Variants in NRL observed in about 807,000 individuals in gnomAD.
NRL encodes neural retina-specific leucine zipper protein.
NRL carries 16 observed loss-of-function variants against 12.5 expected under a neutral mutation model. The observed-to-expected ratio is 1.28, with a 90% CI of 0.87 to 1.95. The LOEUF is 1.95. NRL is among the 30% of genes most tolerant of loss of function. The pLI is 0.00. For synonymous variants in NRL, 142 were observed against 150.9 expected (o/e 0.94, Z 0.43); for missense variants, 314 against 325.8 (o/e 0.96, Z 0.28).
At chr14:24,096,632 C>A (rs545719193) in intron 1 of NRL, among the ~76,000 whole-genome samples, 1 of 152,296 alleles carries the variant, frequency 6.6e-6, no homozygotes, top group African/African-American at 2.4e-5. Context: ...TACTTCCACA[C>A]AGCCAGGCAT....
chr14:24,110,123 T>G (rs561489816), intron 1 of NRL, among the ~76,000 whole-genome samples: 1 of 152,212 alleles, frequency 6.6e-6, no homozygotes, highest in Non-Finnish European at 1.5e-5. Context: ...ATTATACTTT[T>G]TTTTTTTTTC....
intron 1 of NRL, chr14:24,098,922 G>T: frequency 1.3e-6 from 1 of 781,440 alleles, no homozygotes; most frequent in Non-Finnish European, 2.1e-6. Flanking sequence ...GAGGTGGGGG[G>T]CTTCAGCCAC....
At chr14:24,107,670 C>G (rs1374473220) in intron 1 of NRL, among the ~76,000 whole-genome samples, 1 of 152,152 alleles carries the variant, frequency 6.6e-6, no homozygotes, top group South Asian at 2.1e-4. Context: ...GATTCCCCCT[C>G]CATTCCTTTC....
At chr14:24,092,579 C>T (rs1038916825) in intron 1 of NRL, among the ~76,000 whole-genome samples, 6 of 152,128 alleles carry the variant, frequency 3.9e-5, no homozygotes, top group Non-Finnish European at 7.4e-5. Flanking sequence ...TAAGTGTGGA[C>T]AGAGTTTGGA....
At chr14:24,105,502 G>A (rs1359802079) in intron 1 of NRL, among the ~76,000 whole-genome samples, 2 of 152,254 alleles carry the variant, frequency 1.3e-5, no homozygotes, top group East Asian at 3.8e-4. Flanking sequence ...GGCACAGAGA[G>A]GTCAAGTAAT....
In NRL at chr14:24,094,043, A is replaced by G. The variant is rs759306677; in HGVS notation, c.-27-11168T>C. On this transcript the variant is annotated intron_variant, in intron 1 of 2. Transcript: ENST00000561028. The surrounding 1 kb of genome is among the most constrained non-coding windows in gnomAD (Gnocchi z 4.1). ...GAGCAAGAGTCCTCAAAGTTACATCATGTGCGGCTGGGAGGGCGGTGGCGG... is the reference window on the plus strand; with the variant it reads ...GAGCAAGAGTCCTCAAAGTTACATCGTGTGCGGCTGGGAGGGCGGTGGCGG... 9.3e-6 allele frequency: 5 copies of G among 538,058 alleles called. No homozygotes were observed. The highest frequency in any genetic ancestry group is 2.7e-4 in the Middle Eastern group (1 of 3,720). 33.3% of individuals were successfully genotyped at this position (538,058 alleles called of 1,614,324 possible).
chr14:24,102,954 CCT>C, intron 1 of NRL: 2 of 1,495,588 alleles, frequency 1.3e-6, no homozygotes, highest in Non-Finnish European at 9.2e-7. Context: ...GGCCTACCTC[CCT>C]CCCTCTGATC....
Position 24,085,622 on chromosome 14 carries a change from AT to A in NRL, c.-27-2748del, listed in dbSNP as rs1373790720. Among the ~76,000 whole-genome samples, 1 of 152,200 alleles carries A rather than the reference AT, an allele frequency of 6.6e-6. No individual in the cohort carries two copies. Among genetic ancestry groups the A allele is most frequent in the African/African-American group, 2.4e-5 (1 of 41,452 alleles). ...CTTCCTACCTTCTGAGGCCACCCAA[AT>A]ACTCCCATGGGGTTAATAGTTCCTC... is the stretch of plus-strand genomic sequence containing the variant. On this transcript the variant is annotated intron_variant, in intron 1 of 2. Transcript: ENST00000561028. This position sits in a 1 kb window ranked among gnomAD's most constrained non-coding sequence, Gnocchi z 4.1.
intron 1 of NRL, chr14:24,099,345 C>T (rs886618100): frequency 1.5e-5 from 17 of 1,162,252 alleles, no homozygotes; most frequent in East Asian, 7.6e-5. Context: ...GGCTGGTGGG[C>T]GGGGACTCTA....
rs996722399 is a variant in NRL at position 24,080,557 on chromosome 14, TG to T, written c.*678del. 2.0e-5 allele frequency: 3 copies of T among 152,574 alleles called. No homozygotes were observed. Among genetic ancestry groups the T allele is most frequent in the Non-Finnish European group, 4.4e-5 (3 of 68,026 alleles). 9.5% of individuals were successfully genotyped at this position (152,574 alleles called of 1,614,324 possible). ...AAGTAACACAAGTCCAGGAAGCAACTGATTTGCTCAGGGTGACAGGGGGATC... is the reference window on the plus strand; with the variant it reads ...AAGTAACACAAGTCCAGGAAGCAACTATTTGCTCAGGGTGACAGGGGGATC... On this transcript the variant is annotated 3_prime_UTR_variant, in exon 3 of 3. Coordinates refer to ENST00000561028, the MANE Select transcript of NRL (RefSeq NM_001354768.3).
chr14:24,103,936 C>A, intron 1 of NRL: 1 of 1,613,810 alleles, frequency 6.2e-7, no homozygotes, highest in Non-Finnish European at 8.5e-7. Flanking sequence ...GAGCTTGAGG[C>A]CCTGGAGAGA....
At chr14:24,111,330 C>T (rs1444007445) in intron 1 of NRL, among the ~76,000 whole-genome samples, 15 of 151,312 alleles carry the variant, frequency 9.9e-5, no homozygotes, top group Admixed American at 9.9e-4. Flanking sequence ...TTCAGCAGAT[C>T]AACTACCGGA....
chr14:24,111,615 C>A (rs1444774823), intron 1 of NRL, among the ~76,000 whole-genome samples: 1 of 152,142 alleles, frequency 6.6e-6, no homozygotes, highest in African/African-American at 2.4e-5. Flanking sequence ...GATCCACCCG[C>A]CTTGGCCTCC....
At chr14:24,098,052 C>A in intron 1 of NRL, 1 of 670,278 alleles carries the variant, frequency 1.5e-6, no homozygotes, top group Non-Finnish European at 2.5e-6. Context: ...TTAGATGGGA[C>A]AAAGCCTGGA....
rs1219330672 is a variant in NRL, at chr14:24,096,857, C to T, written c.-27-13982G>A. On this transcript the variant is annotated intron_variant, in intron 1 of 2. Transcript: ENST00000561028. ...CACCTGCCTTGTCCACTCTCGATGA[C>T]AGCAACTAGCTCATTGCCTCTGTTT... 1.9e-6 allele frequency: 3 copies of T among 1,592,314 alleles called. No individual in the cohort carries two copies. In the South Asian group the frequency reaches 3.3e-5, roughly 18 times the overall value.
rs1428104947 is a variant in NRL, at chr14:24,081,042, C to T, written c.*194G>A. The T allele has an allele frequency of 7.3e-6, 3 of 412,480 alleles. No individual in the cohort carries two copies. Among genetic ancestry groups the T allele is most frequent in the African/African-American group, 4.1e-5 (2 of 48,264 alleles). The allele number at this position is 412,480 out of a possible 1,614,324, so 25.6% of individuals were successfully genotyped here. ...GTGTTCGTAAGGGGAGGGGACCCCT[C>T]TCCAGAAAATGACCAGCATCTAAAT... On this transcript the variant is annotated 3_prime_UTR_variant, in exon 3 of 3. Transcript: ENST00000561028. The surrounding 1 kb of genome is among the most constrained non-coding windows in gnomAD (Gnocchi z 4.4).
In NRL at chr14:24,114,787, T is replaced by C. The variant is rs1566588976; in HGVS notation, c.-93A>G. The C allele has an allele frequency of 1.0e-6, 1 of 985,946 alleles. No homozygotes were observed. The allele number at this position is 985,946 out of a possible 1,614,324, so 61.1% of individuals were successfully genotyped here. A position where few individuals can be genotyped will look rare whatever the true frequency, so the allele number is the denominator to read the frequency against. On this transcript the variant is annotated 5_prime_UTR_variant, in exon 1 of 3. Transcript: ENST00000561028. The stretch of plus-strand genomic sequence containing the variant: ...GGGGGCGGGGCCGTCGTGTGACGTT[T>C]GCAGCCCGCCGGCCAGGAAGCCGCG...
chr14:24,099,370 G>C, intron 1 of NRL: 1 of 1,048,368 alleles, frequency 9.5e-7, no homozygotes, highest in Non-Finnish European at 1.4e-6. Context: ...AAGGCCCAAA[G>C]CTTTGGCCTC....
At chr14:24,084,517 C>T in intron 1 of NRL, 1 of 985,240 alleles carries the variant, frequency 1.0e-6, no homozygotes, top group Non-Finnish European at 1.2e-6. Context: ...TGGATATACT[C>T]ACTTCAGAAA....
Sources: allele counts gnomAD v4.1 joint callset (sites outside exome capture counted in the v4.1 genomes callset), GRCh38; gene constraint gnomAD v4.1.1; non-coding constraint Gnocchi (gnomAD v3.1); transcripts MANE v1.5; gene names NCBI Gene and HGNC (gene_info 2026-07-23, HGNC 2026-07-21).